Variants in PPHLN1 observed in about 807,000 individuals in gnomAD.
PPHLN1 encodes the protein periphilin-1.
In PPHLN1, 29 loss-of-function variants were observed where a neutral mutation model predicts 51.3. That is an observed-to-expected ratio of 0.57 (90% CI 0.42 to 0.77). PPHLN1 has a LOEUF of 0.77. Among genes scored for constraint, PPHLN1 ranks in the 30% least tolerant of loss-of-function variants. The pLI, the probability that PPHLN1 is intolerant of heterozygous loss-of-function variation, is 0.00. For missense variants in PPHLN1, 436 were observed against 438.4 expected, an observed-to-expected ratio of 0.99 and a Z score of 0.05; for synonymous variants, 147 against 147.8, an observed-to-expected ratio of 0.99 and a Z score of 0.04.
downstream of PPHLN1, chr12:42,446,893 T>A: frequency 2.5e-6 from 1 of 395,772 alleles, no homozygotes; most frequent in Non-Finnish European, 4.5e-6. Flanking sequence ...TAAGTTTGTT[T>A]ACTTATGCCC....
At chr12:42,390,671 C>CTT (rs5797794) in intron 7 of PPHLN1, among the ~76,000 whole-genome samples, 16 of 141,094 alleles carry the variant, frequency 1.1e-4, no homozygotes, top group Admixed American at 9.9e-4. Flanking sequence ...TGATTTTTTC[C>CTT]TTTTTTTTTT....
At chr12:42,394,584 A>G (rs561632855) in intron 8 of PPHLN1, among the ~76,000 whole-genome samples, 20 of 152,254 alleles carry the variant, frequency 1.3e-4, no homozygotes, top group Non-Finnish European at 2.6e-4. Flanking sequence ...TATAAACCCT[A>G]TCAGAACTTA....
chr12:42,329,591 C>T (rs1325439575), intron 1 of PPHLN1, among the ~76,000 whole-genome samples: 1 of 151,802 alleles, frequency 6.6e-6, no homozygotes, highest in Non-Finnish European at 1.5e-5. Flanking sequence ...CAGATTAAAC[C>T]CTCACTACTA....
At chr12:42,428,820 CTTTT>C (rs59053077) in intron 9 of PPHLN1, among the ~76,000 whole-genome samples, 1 of 117,974 alleles carries the variant, frequency 8.5e-6, no homozygotes. Flanking sequence ...TTTTTAACTT[CTTTT>C]TTTTTTTTTT....
intron 5 of PPHLN1, among the ~76,000 whole-genome samples, chr12:42,384,142 T>C (rs2076999334): frequency 6.6e-6 from 1 of 152,014 alleles, no homozygotes; most frequent in Non-Finnish European, 1.5e-5. Flanking sequence ...TCCTCAACAT[T>C]ATTGCAAAAG....
In PPHLN1 at chr12:42,367,421, CT is replaced by C. The variant is rs901966315; in HGVS notation, c.300-7431del. 1.6e-3 allele frequency among the ~76,000 whole-genome samples: 233 copies of C among 144,222 alleles called. 2 individuals are homozygous for C. The highest frequency in any genetic ancestry group is 1.4e-3 in the East Asian group (7 of 4,940). 94.6% of individuals were successfully genotyped at this position (144,222 alleles called of 152,430 possible). A position where few individuals can be genotyped will look rare whatever the true frequency, so the allele number is the denominator to read the frequency against. On this transcript the variant is annotated intron_variant, in intron 4 of 9. Transcript: ENST00000358314. ...AAATGAAAAATCAAAGTCTTAGTTT[CT>C]TTTTTTTTTTAATTAAGACACCATG...
At chr12:42,441,177 C>A in intron 9 of PPHLN1, 138 bp from the exon 10 acceptor site, 1 of 1,228,124 alleles carries the variant, frequency 8.1e-7, no homozygotes, top group Non-Finnish European at 1.1e-6. Flanking sequence ...AGTGACAATG[C>A]AAGGGCGAGA....
At chr12:42,388,375 A>G (rs1428592148) in intron 7 of PPHLN1, among the ~76,000 whole-genome samples, 14 of 152,186 alleles carry the variant, frequency 9.2e-5, no homozygotes, top group Admixed American at 9.2e-4. Flanking sequence ...GGAGAGAAAC[A>G]TAAATCTGGC....
intron 2 of PPHLN1, chr12:42,343,690 A>G (rs1565764580): frequency 3.7e-6 from 1 of 268,142 alleles, no homozygotes; most frequent in Non-Finnish European, 7.3e-6. Flanking sequence ...GAGTTGCCCT[A>G]AGAGGTGTTT....
At chr12:42,367,175 A>G (rs2075352871) in intron 4 of PPHLN1, among the ~76,000 whole-genome samples, 1 of 152,200 alleles carries the variant, frequency 6.6e-6, no homozygotes. Flanking sequence ...AATTCCACTA[A>G]TCCGTAAATG....
chr12:42,349,610 T>C (rs537842836), intron 2 of PPHLN1, among the ~76,000 whole-genome samples: 11 of 152,284 alleles, frequency 7.2e-5, no homozygotes, highest in African/African-American at 2.2e-4. Context: ...GTGATGACTC[T>C]TAACGAGCAT....
chr12:42,355,060 G>C (rs1255051569), intron 3 of PPHLN1, 101 bp from the exon 4 acceptor site: 12 of 1,079,494 alleles, frequency 1.1e-5, no homozygotes, highest in Non-Finnish European at 1.6e-5. Context: ...TGCCTTTGAA[G>C]TTTAGGGAAA....
chr12:42,327,758 C>A (rs1289382215), intron 1 of PPHLN1, among the ~76,000 whole-genome samples: 1 of 152,166 alleles, frequency 6.6e-6, no homozygotes, highest in South Asian at 2.1e-4. Flanking sequence ...GTAGCTAATA[C>A]AGTTCTTGGC....
At chr12:42,430,694 A>G (rs1220242371) in intron 9 of PPHLN1, among the ~76,000 whole-genome samples, 2 of 152,112 alleles carry the variant, frequency 1.3e-5, no homozygotes, top group East Asian at 1.9e-4. Context: ...GGGTTTCACC[A>G]TGTTGGCCAG....
At chr12:42,345,664 G>A (rs1365485915) in intron 2 of PPHLN1, among the ~76,000 whole-genome samples, 1 of 150,860 alleles carries the variant, frequency 6.6e-6, no homozygotes, top group Non-Finnish European at 1.5e-5. Context: ...ATAAATAGAA[G>A]CAGTGAAAAT....
At chr12:42,411,372 C>G (rs1208786938) in intron 9 of PPHLN1, among the ~76,000 whole-genome samples, 7 of 76,420 alleles carry the variant, frequency 9.2e-5, no homozygotes, top group African/African-American at 2.2e-4. Context: ...ACAGCAGTTA[C>G]TACTGTTACT....
At chr12:42,421,192 AG>A (rs1386512262) in intron 9 of PPHLN1, among the ~76,000 whole-genome samples, 1 of 152,188 alleles carries the variant, frequency 6.6e-6, no homozygotes, top group Non-Finnish European at 1.5e-5. Flanking sequence ...GGAGGCTCTG[AG>A]GTAGTTAAAA....
intron 9 of PPHLN1, among the ~76,000 whole-genome samples, chr12:42,429,287 G>GT (rs1158300183): frequency 6.6e-6 from 1 of 152,084 alleles, no homozygotes; most frequent in African/African-American, 2.4e-5. Context: ...GTCTTTAGTT[G>GT]TTTGTTTATT....
chr12:42,348,632 T>A (rs577538175), intron 2 of PPHLN1, among the ~76,000 whole-genome samples: 4 of 152,250 alleles, frequency 2.6e-5, no homozygotes, highest in Non-Finnish European at 5.9e-5. Flanking sequence ...CATAGAAGTG[T>A]TTAGGCATGC....
Sources: gnomAD v4.1 joint callset for allele counts (sites outside exome capture counted in the v4.1 genomes callset) on GRCh38, gnomAD v4.1.1 for gene constraint, MANE v1.5 for transcripts, NCBI Gene and HGNC (gene_info 2026-07-23, HGNC 2026-07-21) for gene names.